Variants in MEIS1 observed in about 807,000 individuals in gnomAD.
The protein encoded by MEIS1 is homeobox protein Meis1.
Under a neutral mutation model 50.8 loss-of-function variants are expected in MEIS1, and 5 were observed. The ratio of observed to expected loss-of-function variants is 0.10; its 90% CI spans 0.05 to 0.21. The LOEUF (loss-of-function observed/expected upper bound fraction) is 0.21. MEIS1 is among the 10% of genes least tolerant of loss of function. The pLI is 1.00. For missense variants in MEIS1, 318 were observed against 517.3 expected (o/e 0.61, Z 3.74); for synonymous variants, 176 against 179.3 (o/e 0.98, Z 0.15).
At chr2:66,469,859 C>G (rs1012922638) in intron 7 of MEIS1, among the ~76,000 whole-genome samples, 2 of 151,950 alleles carry the variant, frequency 1.3e-5, no homozygotes, top group Non-Finnish European at 2.9e-5. Context: ...AGGATGTAAT[C>G]TGAAACTGCT....
intron 7 of MEIS1, among the ~76,000 whole-genome samples, chr2:66,484,862 A>C (rs1215401934): frequency 2.6e-5 from 4 of 152,104 alleles, no homozygotes; most frequent in South Asian, 2.1e-4. Flanking sequence ...GCCTGGCCAA[A>C]AAGGGAATTT....
chr2:66,502,155 T>C (rs1281547584), intron 7 of MEIS1, among the ~76,000 whole-genome samples: 2 of 152,232 alleles, frequency 1.3e-5, no homozygotes, highest in African/African-American at 4.8e-5. Context: ...TTGTATCTCA[T>C]TGTGTTACAT....
chr2:66,499,247 AT>A (rs1248703520), intron 7 of MEIS1, among the ~76,000 whole-genome samples: 1 of 152,068 alleles, frequency 6.6e-6, no homozygotes, highest in Non-Finnish European at 1.5e-5. Context: ...TTTCTTGCAC[AT>A]TTTTCTTCTA....
chr2:66,446,986 A>C (rs1265085096), intron 6 of MEIS1, among the ~76,000 whole-genome samples: 1 of 152,250 alleles, frequency 6.6e-6, no homozygotes, highest in African/African-American at 2.4e-5. Context: ...GAACTTTGAC[A>C]GAAAACGCCC....
At chr2:66,550,617 C>T in intron 9 of MEIS1, among the ~76,000 whole-genome samples, 1 of 152,154 alleles carries the variant, frequency 6.6e-6, no homozygotes, top group African/African-American at 2.4e-5. Flanking sequence ...CTGACTCAGC[C>T]TCCCCAGTAG....
chr2:66,500,938 A>C (rs1210550721), intron 7 of MEIS1, among the ~76,000 whole-genome samples: 1 of 152,110 alleles, frequency 6.6e-6, no homozygotes. Context: ...ACAAAAATAA[A>C]TGTTGTCTTT....
intron 7 of MEIS1, among the ~76,000 whole-genome samples, chr2:66,489,135 A>G (rs1673209901): frequency 6.6e-6 from 1 of 152,252 alleles, no homozygotes; most frequent in Non-Finnish European, 1.5e-5. Flanking sequence ...CTGTTTAAAG[A>G]GTAAGCTCTT....
intron 8 of MEIS1, among the ~76,000 whole-genome samples, chr2:66,523,739 A>G (rs1443182176): frequency 6.6e-6 from 1 of 152,188 alleles, no homozygotes; most frequent in Non-Finnish European, 1.5e-5. Context: ...CAAATGCTGT[A>G]TTTTACATTT....
At chr2:66,518,184 C>T (rs1321497617) in intron 8 of MEIS1, among the ~76,000 whole-genome samples, 1 of 152,120 alleles carries the variant, frequency 6.6e-6, no homozygotes, top group African/African-American at 2.4e-5. Context: ...AATCAAAAGT[C>T]CAACTTTAAA....
At chr2:66,491,087 A>AC (rs1673261802) in intron 7 of MEIS1, among the ~76,000 whole-genome samples, 7 of 130,830 alleles carry the variant, frequency 5.4e-5, no homozygotes, top group African/African-American at 2.4e-4. Flanking sequence ...ACCAATGGAA[A>AC]AAAAAAAGAG....
intron 9 of MEIS1, among the ~76,000 whole-genome samples, chr2:66,557,309 C>T (rs535026683): frequency 1.3e-5 from 2 of 152,220 alleles, no homozygotes; most frequent in Admixed American, 1.3e-4. Context: ...ATCATTTCAC[C>T]CATTTAATTC....
chr2:66,557,223 C>T (rs1675089304), intron 9 of MEIS1, among the ~76,000 whole-genome samples: 1 of 152,090 alleles, frequency 6.6e-6, no homozygotes, highest in Admixed American at 6.5e-5. Flanking sequence ...AGGACTGGTT[C>T]CTAGTCCAGT....
intron 6 of MEIS1, among the ~76,000 whole-genome samples, chr2:66,448,706 A>G (rs1385649490): frequency 6.6e-6 from 1 of 152,178 alleles, no homozygotes; most frequent in Non-Finnish European, 1.5e-5. Context: ...TTAATCATCA[A>G]ACAAAACCCA....
At chr2:66,441,085 C>G (rs984063140) in intron 4 of MEIS1, 3 of 361,436 alleles carry the variant, frequency 8.3e-6, no homozygotes, top group African/African-American at 6.3e-5. Context: ...CTGTCCACTC[C>G]TTCCAAGGAC....
At position 66,492,643 on chromosome 2, in the gene MEIS1, G is replaced by A. The variant is rs186528766; in HGVS notation, c.743-19506G>A. ...TGATTCTGAGTTGAGTATTCAGCTT[G>A]TTCTTTCTTGGAGACTCCTACAGCA... On this transcript the variant is annotated intron_variant, in intron 7 of 12. Coordinates refer to ENST00000272369, the MANE Select transcript of MEIS1 (RefSeq NM_002398.3). Among the ~76,000 whole-genome samples the A allele has an allele frequency of 7.9e-5, 12 of 152,286 alleles. No homozygotes were observed. The East Asian group carries it at 2.1e-3, about 27-fold the overall frequency.
intron 9 of MEIS1, among the ~76,000 whole-genome samples, chr2:66,558,279 C>CAAACA (rs1675121164): frequency 1.8e-5 from 1 of 57,102 alleles, no homozygotes; most frequent in Non-Finnish European, 2.9e-5. Flanking sequence ...AACTCCATCT[C>CAAACA]AAAAAAAAAA....
intron 7 of MEIS1, among the ~76,000 whole-genome samples, chr2:66,493,707 T>A (rs1673328914): frequency 1.3e-5 from 2 of 152,170 alleles, no homozygotes. Context: ...ACTGTCTGAC[T>A]CCACCTTTTC....
At chr2:66,499,516 G>T (rs567482362) in intron 7 of MEIS1, among the ~76,000 whole-genome samples, 3 of 152,040 alleles carry the variant, frequency 2.0e-5, no homozygotes, top group African/African-American at 7.2e-5. Flanking sequence ...CAGGAAAGCA[G>T]AATAGAAAGG....
At chr2:66,545,267 C>T (rs928325346) in intron 8 of MEIS1, among the ~76,000 whole-genome samples, 5 of 152,108 alleles carry the variant, frequency 3.3e-5, no homozygotes, top group Non-Finnish European at 7.3e-5. Flanking sequence ...AAGACCTGGA[C>T]AACTGTCAGC....
Sources: gnomAD v4.1 joint callset for allele counts (sites outside exome capture counted in the v4.1 genomes callset) on GRCh38, gnomAD v4.1.1 for gene constraint, MANE v1.5 for transcripts, NCBI Gene and HGNC (gene_info 2026-07-23, HGNC 2026-07-21) for gene names.